The following CELF5 variants were observed in gnomAD, a reference collection of about 807,000 sequenced individuals.
CELF5 encodes the protein CUGBP Elav-like family member 5.
Under a neutral mutation model 54.9 loss-of-function variants are expected in CELF5, and 6 were observed. That is an observed-to-expected ratio of 0.11 (90% CI 0.06 to 0.22). The LOEUF (loss-of-function observed/expected upper bound fraction) is 0.22. Among genes scored for constraint, CELF5 ranks in the 10% least tolerant of loss-of-function variants. The pLI, the probability that CELF5 is intolerant of heterozygous loss-of-function variation, is 1.00. For missense variants in CELF5, 401 were observed against 678.6 expected (o/e 0.59, Z 4.54); for synonymous variants, 271 against 290.9 (o/e 0.93, Z 0.70).
intron 1 of CELF5, among the ~76,000 whole-genome samples, chr19:3,250,172 A>G (rs1015006789): frequency 6.6e-5 from 10 of 152,220 alleles, no homozygotes; most frequent in Admixed American, 6.5e-5. Flanking sequence ...ACAACTTCAA[A>G]TGTACCGTCT....
chr19:3,237,156 C>T (rs919210274), intron 1 of CELF5, among the ~76,000 whole-genome samples: 1 of 150,566 alleles, frequency 6.6e-6, no homozygotes, highest in Non-Finnish European at 1.5e-5. Flanking sequence ...ACTAAAAATA[C>T]AAAAAATTAG....
At chr19:3,227,546 AAGG>A (rs1174874548) in intron 1 of CELF5, among the ~76,000 whole-genome samples, 2 of 151,894 alleles carry the variant, frequency 1.3e-5, no homozygotes, top group African/African-American at 4.8e-5. Flanking sequence ...GGAGATCTGT[AAGG>A]AGTAGAGTGG....
At chr19:3,283,247 T>A (rs911379929) in intron 8 of CELF5, among the ~76,000 whole-genome samples, 1 of 152,242 alleles carries the variant, frequency 6.6e-6, no homozygotes, top group Non-Finnish European at 1.5e-5. Context: ...ACACCTACAA[T>A]TTTAGGGCAA....
rs151305902 is a variant in CELF5, at chr19:3,287,999, A to G, written c.1186+1974A>G. ...TGGAGGGAGGGTTGTCTGAAATCAG[A>G]CAGATAGCATGACCCCGGATGGGGA... On this transcript the variant is annotated intron_variant, in intron 10 of 12. Coordinates refer to ENST00000292672, the MANE Select transcript of CELF5 (RefSeq NM_021938.4). Among the ~76,000 whole-genome samples the G allele has an allele frequency of 4.3e-3, 650 of 152,264 alleles. 3 individuals are homozygous for G. Among genetic ancestry groups the G allele is most frequent in the African/African-American group, 0.014 (588 of 41,562 alleles).
chr19:3,242,224 A>C (rs2079500911), intron 1 of CELF5, among the ~76,000 whole-genome samples: 1 of 152,148 alleles, frequency 6.6e-6, no homozygotes, highest in Admixed American at 6.6e-5. Flanking sequence ...GCAGAGCTAG[A>C]CTACCTAGAT....
At chr19:3,237,116 T>G (rs1367586712) in intron 1 of CELF5, among the ~76,000 whole-genome samples, 1 of 148,150 alleles carries the variant, frequency 6.7e-6, no homozygotes, top group Non-Finnish European at 1.5e-5. Flanking sequence ...ATCGAGACCA[T>G]CCTGGCTAAC....
intron 1 of CELF5, among the ~76,000 whole-genome samples, chr19:3,232,813 G>A (rs1351023201): frequency 1.3e-5 from 2 of 151,928 alleles, no homozygotes; most frequent in Admixed American, 6.6e-5. Context: ...GGTGGCTCAC[G>A]CCTATAATCC....
At chr19:3,274,016 C>A in intron 3 of CELF5, 93 bp downstream of exon 3, 1 of 1,323,740 alleles carries the variant, frequency 7.6e-7, no homozygotes, top group Non-Finnish European at 1.1e-6. Context: ...GCAAAAGGGG[C>A]AGTGGCCGAG....
chr19:3,236,776 G>A (rs1917622031), intron 1 of CELF5, among the ~76,000 whole-genome samples: 1 of 150,548 alleles, frequency 6.6e-6, no homozygotes, highest in Non-Finnish European at 1.5e-5. Flanking sequence ...CTGAGGCCAG[G>A]AGTTTGAGAC....
chr19:3,264,205 T>G (rs2079848416), intron 2 of CELF5, among the ~76,000 whole-genome samples: 1 of 151,956 alleles, frequency 6.6e-6, no homozygotes, highest in African/African-American at 2.4e-5. Flanking sequence ...GCCCAGGAGC[T>G]TGCGACCAGC....
rs539897858 is a variant in CELF5, at chr19:3,280,603, G to C, written c.604-596G>C. Among the ~76,000 whole-genome samples, 16 of 152,068 alleles carry C rather than the reference G, an allele frequency of 1.1e-4. 1 individual carries two copies. In the East Asian group the frequency reaches 3.1e-3, roughly 29 times the overall value. ...AACAAAACAAAAAAAATCCGGGTCC[G>C]AACTGCCTGCTAGCTCCAGGGCATG... On this transcript the variant is annotated intron_variant, in intron 5 of 12. Coordinates refer to ENST00000292672, the MANE Select transcript of CELF5 (RefSeq NM_021938.4).
chr19:3,251,453 G>A (rs906076692), intron 2 of CELF5, among the ~76,000 whole-genome samples: 6 of 152,088 alleles, frequency 3.9e-5, no homozygotes, highest in Non-Finnish European at 7.4e-5. Flanking sequence ...GAGGAGGCCC[G>A]TGTGGCTGGA....
At chr19:3,296,558 T>C (rs1318338206) in intron 12 of CELF5, 200 bp from the exon 13 acceptor site, 3 of 151,784 alleles carry the variant, frequency 2.0e-5, no homozygotes, top group Admixed American at 6.6e-5. Flanking sequence ...GACTCTCCTC[T>C]AGCGTGCCTG....
At chr19:3,264,133 A>G (rs564064457) in intron 2 of CELF5, among the ~76,000 whole-genome samples, 27 of 151,778 alleles carry the variant, frequency 1.8e-4, no homozygotes, top group African/African-American at 6.5e-4. Context: ...GTTTTACTGG[A>G]TACAGTGGTG....
chr19:3,237,307 G>A (rs1180283099), intron 1 of CELF5, among the ~76,000 whole-genome samples: 3 of 92,006 alleles, frequency 3.3e-5, no homozygotes, highest in Non-Finnish European at 5.7e-5. Context: ...GCACGACTCC[G>A]TCTCAAAAAA....
At chr19:3,245,125 G>A (rs957752705) in intron 1 of CELF5, among the ~76,000 whole-genome samples, 4 of 150,136 alleles carry the variant, frequency 2.7e-5, no homozygotes, top group South Asian at 2.1e-4. Flanking sequence ...GCATGTGTGT[G>A]TGTAGTGTGT....
chr19:3,283,041 G>T (rs1023008058), intron 8 of CELF5, among the ~76,000 whole-genome samples: 1 of 152,160 alleles, frequency 6.6e-6, no homozygotes, highest in Non-Finnish European at 1.5e-5. Flanking sequence ...ATGTTGGCCA[G>T]GCTGGTCTCG....
At chr19:3,267,471 G>A (rs533444921) in intron 2 of CELF5, among the ~76,000 whole-genome samples, 165 of 152,326 alleles carry the variant, frequency 1.1e-3, no homozygotes, top group African/African-American at 3.6e-3. Flanking sequence ...TGGCTGGGCC[G>A]TCACAGCCCC....
intron 10 of CELF5, among the ~76,000 whole-genome samples, chr19:3,287,488 G>A (rs1164174432): frequency 5.4e-5 from 8 of 148,578 alleles, no homozygotes; most frequent in African/African-American, 2.0e-4. Flanking sequence ...TGAACCAGGA[G>A]GCGGAGGTTG....
Sources: allele counts gnomAD v4.1 joint callset (sites outside exome capture counted in the v4.1 genomes callset), GRCh38; gene constraint gnomAD v4.1.1; transcripts MANE v1.5; gene names NCBI Gene and HGNC (gene_info 2026-07-23, HGNC 2026-07-21).